The following AKAP9 variants were observed in gnomAD, a reference collection of about 807,000 sequenced individuals.
AKAP9 encodes A-kinase anchor protein 9.
AKAP9 carries 311 observed loss-of-function variants against 488.5 expected under a neutral mutation model. That is an observed-to-expected ratio of 0.64 (90% CI 0.58 to 0.70). The LOEUF is 0.70. Among genes scored for constraint, AKAP9 ranks in the 30% least tolerant of loss-of-function variants. The probability of loss-of-function intolerance (pLI) is 0.00; values close to 1 mark genes in which losing one functional copy is unlikely to be tolerated. For synonymous variants in AKAP9, 1,462 were observed against 1,483.5 expected (o/e 0.99, Z 0.33); for missense variants, 4,215 against 4,374.5 (o/e 0.96, Z 1.03).
intron 24 of AKAP9, among the ~76,000 whole-genome samples, chr7:92,063,101 T>C (rs574691342): frequency 6.6e-6 from 1 of 152,210 alleles, no homozygotes; most frequent in Non-Finnish European, 1.5e-5. Flanking sequence ...CTGTTTACCA[T>C]GTCCTCTCAC....
intron 26 of AKAP9, among the ~76,000 whole-genome samples, chr7:92,067,778 TG>T (rs1810999222): frequency 6.6e-6 from 1 of 152,232 alleles, no homozygotes; most frequent in African/African-American, 2.4e-5. Flanking sequence ...GTTTGTATCA[TG>T]GCTCTGCCAT....
At chr7:92,108,275 G>A (rs1818853763) in intron 48 of AKAP9, among the ~76,000 whole-genome samples, 1 of 152,130 alleles carries the variant, frequency 6.6e-6, no homozygotes, top group African/African-American at 2.4e-5. Flanking sequence ...TCTGCCACAA[G>A]CATTGTATTG....
At chr7:92,078,992 T>C in intron 30 of AKAP9, 87 bp from the exon 31 acceptor site, 1 of 817,718 alleles carries the variant, frequency 1.2e-6, no homozygotes, top group East Asian at 2.7e-5. Flanking sequence ...TGATCATCTC[T>C]TTGAGGTACT....
At chr7:92,017,995 G>A (rs2130718783) in intron 12 of AKAP9, among the ~76,000 whole-genome samples, 2 of 152,200 alleles carry the variant, frequency 1.3e-5, no homozygotes, top group South Asian at 4.2e-4. Flanking sequence ...TTGAGTAATG[G>A]AAAGGGAGGA....
In AKAP9 at chr7:92,097,769, G is replaced by T; in HGVS notation, c.10582G>T (p.Val3528Phe). The T allele has an allele frequency of 3.7e-6, 6 of 1,614,110 alleles. No individual in the cohort carries two copies. The highest frequency in any genetic ancestry group is 4.2e-6 in the Non-Finnish European group (5 of 1,180,000). ...TCAATGTGTAGCTTCAAAACTACAG[G>T]TTCTACCCCAGAAAGCCTCTGAGAG... ...KLQCVASKLQ[V>F]LPQKASERLQ... The change falls in exon 42 of 50, where the codon GTT (valine) becomes TTT (phenylalanine). Residue 3528 changes from valine to phenylalanine, a missense_variant. Physicochemically the swap from Val to Phe is conservative, Grantham distance 50. Coordinates refer to ENST00000356239, the MANE Select transcript of AKAP9 (RefSeq NM_005751.5).
At chr7:92,051,863 T>C (rs1808039837) in intron 21 of AKAP9, among the ~76,000 whole-genome samples, 1 of 152,222 alleles carries the variant, frequency 6.6e-6, no homozygotes, top group African/African-American at 2.4e-5. Context: ...AACTTCACTG[T>C]TGAGTTGTAA....
chr7:91,958,101 TA>T (rs1793279608), intron 1 of AKAP9, among the ~76,000 whole-genome samples: 1 of 152,202 alleles, frequency 6.6e-6, no homozygotes, highest in Non-Finnish European at 1.5e-5. Context: ...TTTCATCACA[TA>T]AATGATCTCT....
At chr7:91,992,283 C>A in intron 4 of AKAP9, 72 bp downstream of exon 4, 2 of 1,131,308 alleles carry the variant, frequency 1.8e-6, no homozygotes, top group Non-Finnish European at 2.7e-6. Flanking sequence ...ACTAACAAAA[C>A]TTTTTCCTGC....
intron 21 of AKAP9, among the ~76,000 whole-genome samples, chr7:92,048,156 A>G (rs1236064084): frequency 6.6e-6 from 1 of 152,134 alleles, no homozygotes; most frequent in African/African-American, 2.4e-5. Flanking sequence ...AAAATGAAAA[A>G]CTTTTGACAG....
At chr7:91,948,274 T>A (rs1791719105) in intron 1 of AKAP9, among the ~76,000 whole-genome samples, 1 of 152,196 alleles carries the variant, frequency 6.6e-6, no homozygotes, top group Non-Finnish European at 1.5e-5. Context: ...CTGTTTTCAT[T>A]TCTCTTGGGT....
chr7:92,079,607 G>C lies in AKAP9; in HGVS notation c.7474G>C (p.Gly2492Arg). 3 of 1,613,868 alleles carry C rather than the reference G, an allele frequency of 1.9e-6. No homozygotes were observed. The highest frequency in any genetic ancestry group is 2.5e-6 in the Non-Finnish European group (3 of 1,179,976). ...YFKSFEENGKGSIINLETRLL... is the reference protein window; with the variant it reads ...YFKSFEENGKRSIINLETRLL... ...CAAATCTTTTGAAGAAAATGGCAAA[G>C]GTTCCATAATTAATTTGGAAACAAG... The change falls in exon 31 of 50, where the codon GGT (glycine) becomes CGT (arginine). Residue 2492 changes from glycine (G) to arginine (R), a missense_variant. This residue lies in a region of AKAP9 where 1,476 missense variants were observed against 1,477.4 expected (regional missense o/e 1.00). Transcript: ENST00000356239.
intron 28 of AKAP9, among the ~76,000 whole-genome samples, chr7:92,072,850 G>A (rs769120010): frequency 2.0e-5 from 3 of 152,082 alleles, no homozygotes; most frequent in African/African-American, 7.2e-5. Flanking sequence ...CCCTTTTACC[G>A]TTAACACTTT....
intron 14 of AKAP9, among the ~76,000 whole-genome samples, chr7:92,023,393 C>T (rs1438881590): frequency 6.6e-6 from 1 of 152,138 alleles, no homozygotes; most frequent in African/African-American, 2.4e-5. Context: ...GGGTTTCCTC[C>T]ACTTTGTTGT....
Position 92,001,286 on chromosome 7 carries a change from A to G in AKAP9, c.1369A>G (p.Met457Val). 1 of 1,614,000 alleles carries G rather than the reference A, an allele frequency of 6.2e-7. No individual in the cohort carries two copies. The change falls in exon 8 of 50, where the codon ATG becomes GTG. Residue 457 changes from methionine to valine, a missense_variant. Met to Val is a conservative substitution (Grantham distance 21). This residue lies in a region of AKAP9 where 2,361 missense variants were observed against 2,430.0 expected (regional missense o/e 0.97). Transcript: ENST00000356239. ...QMKQELIRQH[M>V]AQMEEMKTRH... The stretch of plus-strand genomic sequence containing the variant: ...GAAACAAGAATTAATAAGACAACAC[A>G]TGGCACAGATGGAGGAAATGAAAAC...
In AKAP9 at chr7:92,096,827, G is replaced by A. The variant is rs758400476; in HGVS notation, c.9868G>A (p.Glu3290Lys). 4.3e-6 allele frequency: 7 copies of A among 1,614,150 alleles called. No individual in the cohort carries two copies. Among genetic ancestry groups the A allele is most frequent in the South Asian group, 1.1e-5 (1 of 91,076 alleles). ...AATGCTATATGATGCCCAGTTGTCA[G>A]AAGAACAAGGTCGAAACTTAGAGCT... ...QRMLYDAQLSEEQGRNLELQV... is the reference protein window; with the variant it reads ...QRMLYDAQLSKEQGRNLELQV... Residue 3290 changes from glutamate to lysine, a missense_variant, in exon 41 of 50, where the codon GAA becomes AAA. Around this residue, in one of 5 missense-constraint regions of AKAP9, gnomAD observed 1,476 missense variants for 1,477.4 expected, o/e 1.00. Coordinates refer to ENST00000356239, the MANE Select transcript of AKAP9 (RefSeq NM_005751.5).
intron 47 of AKAP9, 53 bp downstream of exon 47, chr7:92,105,816 T>G: frequency 6.8e-7 from 1 of 1,460,718 alleles, no homozygotes; most frequent in Non-Finnish European, 9.6e-7. Context: ...AAATCAGAGG[T>G]CCCCCACCCC....
chr7:91,941,682 T>C (rs1257918209), intron 1 of AKAP9, among the ~76,000 whole-genome samples: 1 of 152,152 alleles, frequency 6.6e-6, no homozygotes, highest in African/African-American at 2.4e-5. Flanking sequence ...TGAACTTGGC[T>C]TTAGGGGCGT....
chr7:92,087,104 G>A (rs1814687006), intron 37 of AKAP9, among the ~76,000 whole-genome samples: 1 of 152,110 alleles, frequency 6.6e-6, no homozygotes. Context: ...ACCCACATTG[G>A]ACCATTTAAA....
chr7:92,090,029 C>G (rs191552008), intron 38 of AKAP9: 6 of 155,654 alleles, frequency 3.9e-5, no homozygotes, highest in African/African-American at 9.6e-5. Context: ...CCCCTTCTCC[C>G]AAGCACATGC....
Sources: allele counts gnomAD v4.1 joint callset (sites outside exome capture counted in the v4.1 genomes callset), GRCh38; gene constraint gnomAD v4.1.1; regional missense constraint gnomAD v4.1.1; transcripts MANE v1.5; gene names NCBI Gene and HGNC (gene_info 2026-07-23, HGNC 2026-07-21).